HIVEP3: variants seen among roughly 807,000 people sequenced by gnomAD.
HIVEP3 encodes HIVEP zinc finger 3.
In HIVEP3, 49 loss-of-function variants were observed where a neutral mutation model predicts 152.8. That is an observed-to-expected ratio of 0.32 (90% CI 0.26 to 0.41). The LOEUF (loss-of-function observed/expected upper bound fraction) is 0.41. HIVEP3 is among the 10% of genes least tolerant of loss of function. The pLI, the probability that HIVEP3 is intolerant of heterozygous loss-of-function variation, is 1.00. For missense variants in HIVEP3, 2,790 were observed against 3,103.3 expected (o/e 0.90, Z 2.40); for synonymous variants, 1,269 against 1,289.0 (o/e 0.98, Z 0.33).
Position 41,647,025 on chromosome 1 carries a change from C to T in HIVEP3, c.-720-18078G>A, listed in dbSNP as rs542669066. ...GGTCAAGTCTTTCTCACACTGCAAC[C>T]TCCTGGCACTGACTCTTCTGCCTCT... is the stretch of plus-strand genomic sequence containing the variant. On this transcript the variant is annotated intron_variant, in intron 2 of 8. Transcript: ENST00000372583. 2.6e-5 allele frequency among the ~76,000 whole-genome samples: 4 copies of T among 152,316 alleles called. No homozygotes were observed. In the South Asian group the frequency reaches 6.2e-4, roughly 24 times the overall value.
rs371401503 is a variant in HIVEP3, at chr1:41,917,432, G to C, written c.-801+981C>G. 3.9e-5 allele frequency among the ~76,000 whole-genome samples: 6 copies of C among 152,150 alleles called. No homozygotes were observed. In the South Asian group the frequency reaches 1.2e-3, roughly 32 times the overall value. On this transcript the variant is annotated intron_variant, in intron 1 of 8. Transcript: ENST00000372583. ...GAAACGTCAGCGTATACCAGAAAGAGGGCCAGGGTGCTGCTCACCCAGCGA... is the reference window on the plus strand; with the variant it reads ...GAAACGTCAGCGTATACCAGAAAGACGGCCAGGGTGCTGCTCACCCAGCGA...
intron 1 of HIVEP3, among the ~76,000 whole-genome samples, chr1:41,709,261 A>G (rs1009086641): frequency 1.3e-5 from 2 of 152,078 alleles, no homozygotes; most frequent in Admixed American, 6.5e-5. Flanking sequence ...TGAAACCCCT[A>G]TTGTGTAAGT....
At chr1:41,804,305 T>C (rs1459086736) in intron 1 of HIVEP3, among the ~76,000 whole-genome samples, 1 of 152,190 alleles carries the variant, frequency 6.6e-6, no homozygotes, top group Non-Finnish European at 1.5e-5. Flanking sequence ...ACTGTTTTCA[T>C]GGCTCTCCCC....
rs141083179 is a variant in HIVEP3, at chr1:41,609,245, C to G, written c.-522+19504G>C. 3.3e-5 allele frequency among the ~76,000 whole-genome samples: 5 copies of G among 152,304 alleles called. No individual in the cohort carries two copies. In the East Asian group the frequency reaches 9.7e-4, roughly 29 times the overall value. On this transcript the variant is annotated intron_variant, in intron 3 of 8. Coordinates refer to ENST00000372583, the MANE Select transcript of HIVEP3 (RefSeq NM_024503.5). ...ACCCTTCCCATGCAGGGCATCATCT[C>G]AGAACTCCATGGTGTCTGCCCTTAG...
intron 2 of HIVEP3, among the ~76,000 whole-genome samples, chr1:41,695,216 G>A (rs1646255401): frequency 6.6e-6 from 1 of 152,204 alleles, no homozygotes. Flanking sequence ...TCGCCATGGA[G>A]GCGGGGTGTT....
At chr1:41,810,474 C>T (rs1036709590) in intron 1 of HIVEP3, among the ~76,000 whole-genome samples, 1 of 152,168 alleles carries the variant, frequency 6.6e-6, no homozygotes, top group South Asian at 2.1e-4. Context: ...GTCCCTTGCC[C>T]CCCATCCACC....
chr1:42,011,746 C>T (rs191381171), intron 1 of HIVEP3, among the ~76,000 whole-genome samples: 2 of 152,350 alleles, frequency 1.3e-5, no homozygotes, highest in East Asian at 1.9e-4. Context: ...ATCTCAACTA[C>T]GAGCTCCTTT....
At chr1:41,807,253 G>C (rs349447) in intron 1 of HIVEP3, among the ~76,000 whole-genome samples, 101,909 of 152,086 alleles carry the variant, frequency 0.67, 35,343 homozygotes, top group African/African-American at 0.8. Context: ...GTGTTAGCCA[G>C]GGCTCAAGAA....
At chr1:41,528,182 CCCT>C (rs1643071487) in intron 5 of HIVEP3, among the ~76,000 whole-genome samples, 1 of 143,604 alleles carries the variant, frequency 7.0e-6, no homozygotes. Context: ...CACATCCCCA[CCCT>C]CACCTTCACA....
In HIVEP3 at chr1:41,507,476, G is replaced by A. The variant is rs1232853311; in HGVS notation, c.*2975C>T. 1 of 152,426 alleles carries A rather than the reference G, an allele frequency of 6.6e-6. No homozygotes were observed. Among genetic ancestry groups the A allele is most frequent in the Non-Finnish European group, 1.5e-5 (1 of 68,202 alleles). 9.4% of individuals were successfully genotyped at this position (152,426 alleles called of 1,614,324 possible). A position where few individuals can be genotyped will look rare whatever the true frequency, so the allele number is the denominator to read the frequency against. ...GCAAGGACTCACCAACCAAAGGCAA[G>A]GTTTGGCTCTGAAACCTCGACCAGT... is the stretch of plus-strand genomic sequence containing the variant. On this transcript the variant is annotated 3_prime_UTR_variant, in exon 9 of 9. Transcript: ENST00000372583.
At chr1:41,780,848 G>A (rs1393738131) in intron 1 of HIVEP3, among the ~76,000 whole-genome samples, 1 of 152,188 alleles carries the variant, frequency 6.6e-6, no homozygotes, top group Non-Finnish European at 1.5e-5. Flanking sequence ...TGATTCCTGA[G>A]ACAAGAACAG....
chr1:41,904,253 A>G (rs964102695), intron 1 of HIVEP3, among the ~76,000 whole-genome samples: 1 of 152,100 alleles, frequency 6.6e-6, no homozygotes, highest in African/African-American at 2.4e-5. Context: ...CAATGCAGTC[A>G]CACAGGCCTG....
chr1:41,787,538 T>TC (rs201282385), intron 1 of HIVEP3, among the ~76,000 whole-genome samples: 47 of 112,292 alleles, frequency 4.2e-4, no homozygotes, highest in Non-Finnish European at 6.5e-4. Context: ...TTTCTTTCTT[T>TC]TTTTTTTTTT....
intron 1 of HIVEP3, among the ~76,000 whole-genome samples, chr1:41,959,469 G>A (rs189965618): frequency 6.6e-6 from 1 of 152,284 alleles, no homozygotes; most frequent in East Asian, 1.9e-4. Context: ...AGGAACACAT[G>A]ACCATGTGAT....
At chr1:41,768,468 T>C (rs899609871) in intron 1 of HIVEP3, among the ~76,000 whole-genome samples, 3 of 152,198 alleles carry the variant, frequency 2.0e-5, no homozygotes, top group Non-Finnish European at 2.9e-5. Flanking sequence ...CCGAACCATA[T>C]CTCCATCTAA....
At chr1:41,676,994 G>A (rs1013886046) in intron 2 of HIVEP3, among the ~76,000 whole-genome samples, 1 of 152,208 alleles carries the variant, frequency 6.6e-6, no homozygotes, top group East Asian at 1.9e-4. Context: ...GTTATGCCGT[G>A]TGGAGGATGA....
At chr1:41,739,545 T>C (rs1646967192) in intron 1 of HIVEP3, among the ~76,000 whole-genome samples, 1 of 151,820 alleles carries the variant, frequency 6.6e-6, no homozygotes, top group Admixed American at 6.6e-5. Context: ...CCCCAGGAGT[T>C]ACCCAGCTCA....
intron 1 of HIVEP3, among the ~76,000 whole-genome samples, chr1:41,792,465 A>ATCTGACCC (rs1558273918): frequency 6.6e-6 from 1 of 152,168 alleles, no homozygotes; most frequent in Non-Finnish European, 1.5e-5. Context: ...GCCTGTCACC[A>ATCTGACCC]TCTGACCCTC....
chr1:41,846,277 G>T (rs1643441642), intron 1 of HIVEP3, among the ~76,000 whole-genome samples: 2 of 152,114 alleles, frequency 1.3e-5, no homozygotes, highest in African/African-American at 4.8e-5. Context: ...CTTTTACAAT[G>T]AAATATTTGA....
Sources: gnomAD v4.1 joint callset for allele counts (sites outside exome capture counted in the v4.1 genomes callset) on GRCh38, gnomAD v4.1.1 for gene constraint, MANE v1.5 for transcripts, NCBI Gene and HGNC (gene_info 2026-07-23, HGNC 2026-07-21) for gene names.